DCAF6: variants seen among roughly 807,000 people sequenced by gnomAD.
DCAF6 encodes the protein DDB1 and CUL4 associated factor 6.
In DCAF6, 54 loss-of-function variants were observed where a neutral mutation model predicts 125.1. That is an observed-to-expected ratio of 0.43 (90% CI 0.35 to 0.54). The LOEUF is 0.54. DCAF6 is among the 20% of genes least tolerant of loss of function. The pLI, the probability that DCAF6 is intolerant of heterozygous loss-of-function variation, is 0.01. For synonymous variants in DCAF6, 371 were observed against 390.4 expected (o/e 0.95, Z 0.58); for missense variants, 934 against 1,161.7 (o/e 0.80, Z 2.85).
intron 20 of DCAF6, among the ~76,000 whole-genome samples, chr1:168,067,201 C>G (rs537546586): frequency 6.6e-6 from 1 of 152,130 alleles, no homozygotes. Flanking sequence ...ACTGACTGTT[C>G]GTAGCACAAT....
intron 7 of DCAF6, among the ~76,000 whole-genome samples, chr1:167,998,968 T>C (rs1451171230): frequency 6.6e-6 from 1 of 152,116 alleles, no homozygotes; most frequent in Admixed American, 6.5e-5. Context: ...TCTAGAATGG[T>C]CAATCCTTTC....
At chr1:167,883,682 C>T in the DCAF6 span, 8 of 1,549,864 alleles carry the variant, frequency 5.2e-6, no homozygotes, top group South Asian at 1.1e-5. Context: ...GATCCCTCCC[C>T]CAACACCGCC....
chr1:167,880,622 G>A, the DCAF6 span: 1 of 1,586,410 alleles, frequency 6.3e-7, no homozygotes, highest in Non-Finnish European at 8.7e-7. Context: ...GTGAGGGAGA[G>A]AGACAGCAAC....
intron 4 of DCAF6, among the ~76,000 whole-genome samples, chr1:167,979,113 C>T (rs1045501203): frequency 1.1e-4 from 17 of 151,992 alleles, no homozygotes; most frequent in African/African-American, 4.1e-4. Flanking sequence ...GATCTGTAAT[C>T]TATCTGGATT....
chr1:167,941,430 C>T (rs576343030), intron 1 of DCAF6, among the ~76,000 whole-genome samples: 60 of 152,214 alleles, frequency 3.9e-4, no homozygotes, highest in African/African-American at 1.4e-3. Context: ...TACAAGTATG[C>T]TTTAGGTCAG....
intron 7 of DCAF6, among the ~76,000 whole-genome samples, chr1:167,997,294 A>C (rs1464031612): frequency 6.6e-6 from 1 of 152,198 alleles, no homozygotes; most frequent in East Asian, 1.9e-4. Flanking sequence ...TGAAACCATG[A>C]AGCAAGATTC....
chr1:167,993,223 T>C lies in DCAF6; in HGVS notation c.689-3T>C. The C allele has an allele frequency of 6.3e-7, 1 of 1,595,780 alleles. No homozygotes were observed. Among genetic ancestry groups the C allele is most frequent in the South Asian group, 1.2e-5 (1 of 86,324 alleles). ...TTTAAATAACTTCTTGTTTCTTTTT[T>C]AGGGAATTATGCAGGTCGAGGGACT... On this transcript the variant is annotated splice_polypyrimidine_tract_variant and splice_region_variant and intron_variant, in intron 6 of 21. Coordinates refer to ENST00000367840, the MANE Select transcript of DCAF6 (RefSeq NM_001198956.2).
At chr1:168,016,124 T>C (rs556539542) in intron 11 of DCAF6, among the ~76,000 whole-genome samples, 173 bp downstream of exon 11, 1 of 152,342 alleles carries the variant, frequency 6.6e-6, no homozygotes, top group South Asian at 2.1e-4. Flanking sequence ...GGGGGACAGA[T>C]TGGCAGCAGC....
intron 2 of DCAF6, among the ~76,000 whole-genome samples, chr1:167,957,530 A>C (rs1470057750): frequency 6.6e-6 from 1 of 152,120 alleles, no homozygotes; most frequent in Non-Finnish European, 1.5e-5. Context: ...TCTGTTCATC[A>C]GTTGTTGGAT....
chr1:167,985,490 CCTT>C (rs1443580365), intron 4 of DCAF6, among the ~76,000 whole-genome samples: 4 of 152,182 alleles, frequency 2.6e-5, no homozygotes, highest in Non-Finnish European at 5.9e-5. Context: ...CATCTTGTCT[CCTT>C]CTCTGACTCT....
intron 20 of DCAF6, among the ~76,000 whole-genome samples, chr1:168,067,515 A>G (rs1692488035): frequency 6.6e-6 from 1 of 152,220 alleles, no homozygotes; most frequent in Admixed American, 6.5e-5. Flanking sequence ...CAGGGAGCAA[A>G]GCAGCATTTA....
At chr1:167,924,639 C>G in the DCAF6 span, 2 of 842,402 alleles carry the variant, frequency 2.4e-6, no homozygotes, top group Non-Finnish European at 3.6e-6. Context: ...GATTTATCAA[C>G]CTATTTTTAA....
At chr1:167,991,833 G>A (rs1195125450) in intron 6 of DCAF6, among the ~76,000 whole-genome samples, 1 of 152,022 alleles carries the variant, frequency 6.6e-6, no homozygotes. Flanking sequence ...TCCTCTTAGG[G>A]CACTAGTCAT....
chr1:168,026,008 C>T (rs1278176315), intron 12 of DCAF6, among the ~76,000 whole-genome samples: 1 of 152,190 alleles, frequency 6.6e-6, no homozygotes. Context: ...ATCTCTTGTA[C>T]ATGCTGTTCC....
At chr1:168,002,333 A>G (rs1682760392) in intron 7 of DCAF6, 149 bp from the exon 8 acceptor site, 2 of 608,968 alleles carry the variant, frequency 3.3e-6, no homozygotes, top group East Asian at 3.0e-5. Context: ...ACTGACGCTT[A>G]TACCAGTGTC....
chr1:167,990,900 G>A (rs1680732568), intron 5 of DCAF6, among the ~76,000 whole-genome samples: 1 of 151,904 alleles, frequency 6.6e-6, no homozygotes, highest in African/African-American at 2.4e-5. Context: ...CAATATTGTG[G>A]TAGAAATCAA....
chr1:167,939,582 T>A (rs1374287120), intron 1 of DCAF6, among the ~76,000 whole-genome samples: 1 of 152,024 alleles, frequency 6.6e-6, no homozygotes, highest in South Asian at 2.1e-4. Context: ...GCCAACATGG[T>A]GAAACCCTGG....
intron 10 of DCAF6, among the ~76,000 whole-genome samples, chr1:168,014,157 C>G (rs1341275583): frequency 6.6e-6 from 1 of 152,206 alleles, no homozygotes; most frequent in Non-Finnish European, 1.5e-5. Flanking sequence ...ATCACCTCCC[C>G]TTTCTCTTAA....
chr1:167,883,260 ACTC>A, the DCAF6 span, among the ~76,000 whole-genome samples: 1 of 151,654 alleles, frequency 6.6e-6, no homozygotes, highest in African/African-American at 2.4e-5. Context: ...CTGGTCTTGA[ACTC>A]CTGACCTCAA....
Sources: allele counts gnomAD v4.1 joint callset (sites outside exome capture counted in the v4.1 genomes callset), GRCh38; gene constraint gnomAD v4.1.1; transcripts MANE v1.5; gene names NCBI Gene and HGNC (gene_info 2026-07-23, HGNC 2026-07-21).